Variants in FHAD1 observed in about 807,000 individuals in gnomAD.
FHAD1 encodes forkhead associated phosphopeptide binding domain 1, also known as forkhead-associated domain-containing protein 1.
Under a neutral mutation model 191.3 loss-of-function variants are expected in FHAD1, and 146 were observed. The ratio of observed to expected loss-of-function variants is 0.76; its 90% CI spans 0.67 to 0.88. The LOEUF is 0.88. Among genes scored for constraint, FHAD1 ranks in the 40% least tolerant of loss-of-function variants. FHAD1 has a pLI of 0.00. For synonymous variants in FHAD1, 616 were observed against 672.3 expected (o/e 0.92, Z 1.29); for missense variants, 1,635 against 1,785.8 (o/e 0.92, Z 1.52).
intron 33 of FHAD1, 123 bp from the exon 34 acceptor site, chr1:15,397,174 G>C (rs1466918662): frequency 1.7e-5 from 8 of 461,452 alleles, no homozygotes; most frequent in Middle Eastern, 6.0e-4. Flanking sequence ...CTGGGCGATA[G>C]AGCGAGACTC....
At chr1:15,374,987 T>C (rs1464857126) in intron 27 of FHAD1, among the ~76,000 whole-genome samples, 2 of 151,760 alleles carry the variant, frequency 1.3e-5, no homozygotes, top group Non-Finnish European at 2.9e-5. Flanking sequence ...GCCTCCCTAG[T>C]ATCTAGGACT....
intron 2 of FHAD1, among the ~76,000 whole-genome samples, chr1:15,254,271 G>A (rs7529562): frequency 0.71 from 107,782 of 152,150 alleles, 39,228 homozygotes; most frequent in East Asian, 0.95. Context: ...AAAAGCACAG[G>A]CTTTGGAGAT....
At chr1:15,390,850 C>T (rs2103110372) in intron 32 of FHAD1, among the ~76,000 whole-genome samples, 1 of 152,304 alleles carries the variant, frequency 6.6e-6, no homozygotes, top group East Asian at 1.9e-4. Context: ...TCTGCAGCCC[C>T]TTCCACTTGC....
At chr1:15,386,849 C>CTTTTTTTTTTTTTTTTTT (rs59453670) in intron 31 of FHAD1, among the ~76,000 whole-genome samples, 9 of 144,234 alleles carry the variant, frequency 6.2e-5, no homozygotes, top group African/African-American at 1.6e-4. Context: ...TCCTTTCTTT[C>CTTTTTTTTTTTTTTTTTT]TTTTTTTTTT....
chr1:15,366,084 A>G (rs1046343182), intron 24 of FHAD1, among the ~76,000 whole-genome samples, 151 bp downstream of exon 24: 2 of 152,022 alleles, frequency 1.3e-5, no homozygotes, highest in Admixed American at 1.3e-4. Flanking sequence ...TCAGGAGTTC[A>G]AGACCAGCCT....
intron 2 of FHAD1, among the ~76,000 whole-genome samples, chr1:15,270,770 G>A (rs1267152665): frequency 2.0e-5 from 3 of 152,088 alleles, no homozygotes; most frequent in East Asian, 3.9e-4. Context: ...GGCCGGGCAC[G>A]GTGGCTCACG....
At chr1:15,279,143 G>A (rs2101555613) in intron 3 of FHAD1, among the ~76,000 whole-genome samples, 1 of 152,242 alleles carries the variant, frequency 6.6e-6, no homozygotes, top group Non-Finnish European at 1.5e-5. Context: ...AAGTTTAAAG[G>A]TAAATTTGGT....
intron 31 of FHAD1, among the ~76,000 whole-genome samples, chr1:15,385,870 T>TC (rs1701988053): frequency 6.6e-6 from 1 of 152,222 alleles, no homozygotes. Context: ...TCAGTGCTGG[T>TC]CATTCACAGA....
chr1:15,320,771 T>C (rs1675984632), intron 10 of FHAD1, among the ~76,000 whole-genome samples: 1 of 152,358 alleles, frequency 6.6e-6, no homozygotes, highest in East Asian at 1.9e-4. Context: ...AGCACATAGG[T>C]TTTATACAGT....
chr1:15,359,860 G>A (rs1381627971), intron 21 of FHAD1, among the ~76,000 whole-genome samples: 1 of 152,110 alleles, frequency 6.6e-6, no homozygotes, highest in Non-Finnish European at 1.5e-5. Context: ...TGAGGCAGGA[G>A]AATAGTGTGA....
intron 2 of FHAD1, among the ~76,000 whole-genome samples, chr1:15,270,359 T>G (rs926196556): frequency 7.9e-5 from 12 of 152,190 alleles, no homozygotes; most frequent in Admixed American, 3.9e-4. Context: ...GCACAGACAT[T>G]TGAATCAGGC....
chr1:15,387,592 A>G (rs901142853), intron 31 of FHAD1, among the ~76,000 whole-genome samples: 3 of 152,106 alleles, frequency 2.0e-5, no homozygotes, highest in African/African-American at 7.2e-5. Flanking sequence ...TCTACAAAAA[A>G]CAAAAAAATT....
upstream of FHAD1, among the ~76,000 whole-genome samples, chr1:15,243,119 C>T (rs1645585928): frequency 6.6e-6 from 1 of 152,146 alleles, no homozygotes; most frequent in Non-Finnish European, 1.5e-5. Context: ...ACTGAATGCT[C>T]CAAACCAGCA....
chr1:15,301,538 G>A (rs149253803), intron 6 of FHAD1, 97 bp downstream of exon 6: 52 of 1,008,460 alleles, frequency 5.2e-5, no homozygotes, highest in African/African-American at 4.6e-4. Context: ...GTTAGGGAAC[G>A]CGTGGTCAGT....
In FHAD1 at chr1:15,312,779, C is replaced by T. The variant is rs1172710753; in HGVS notation, c.1040-278C>T. ...TGTCGTGGCCCCTCCTGGTCCCTCT[C>T]TCTGCTGAGCCTTTGTTCCCAGGCA... On this transcript the variant is annotated intron_variant, in intron 7 of 33. Transcript: ENST00000688493. The surrounding 1 kb of genome is among the most constrained non-coding windows in gnomAD (Gnocchi z 4.7). Among the ~76,000 whole-genome samples, 1 of 152,212 alleles carries T rather than the reference C, an allele frequency of 6.6e-6. No individual in the cohort carries two copies. Among genetic ancestry groups the T allele is most frequent in the East Asian group, 1.9e-4 (1 of 5,202 alleles).
At chr1:15,265,979 A>AAAG (rs1653306871) in intron 2 of FHAD1, among the ~76,000 whole-genome samples, 1 of 151,240 alleles carries the variant, frequency 6.6e-6, no homozygotes, top group East Asian at 1.9e-4. Context: ...TCAAAAAAAA[A>AAAG]AAAAAAAAAA....
At chr1:15,331,249 G>T (rs1681242400) in intron 14 of FHAD1, among the ~76,000 whole-genome samples, 2 of 152,020 alleles carry the variant, frequency 1.3e-5, no homozygotes, top group Admixed American at 6.5e-5. Flanking sequence ...CAGGTGTCTT[G>T]TCTGGGGATA....
Position 15,316,375 on chromosome 1 carries a change from C to A in FHAD1, c.1171-3C>A, listed in dbSNP as rs1047963531. 6.4e-6 allele frequency: 10 copies of A among 1,551,392 alleles called. No homozygotes were observed. The African/African-American group carries it at 1.4e-4, about 21-fold the overall frequency. On this transcript the variant is annotated splice_polypyrimidine_tract_variant and splice_region_variant and intron_variant, in intron 8 of 33. Coordinates refer to ENST00000688493, the MANE Select transcript of FHAD1 (RefSeq NM_001391957.1). This position sits in a 1 kb window ranked among gnomAD's most constrained non-coding sequence, Gnocchi z 4.3. Reference sequence around the variant, plus strand: ...TCTTTCTGTGTTGCCCTTTTCTCCACAGTGCTCGGTGCTAAAGGAAGAGTT... The same window carrying A: ...TCTTTCTGTGTTGCCCTTTTCTCCAAAGTGCTCGGTGCTAAAGGAAGAGTT...
chr1:15,401,345 A>G (rs533669319), downstream of FHAD1, among the ~76,000 whole-genome samples: 21 of 152,308 alleles, frequency 1.4e-4, no homozygotes, highest in African/African-American at 5.1e-4. Context: ...GCTCTGCTAC[A>G]CAGCCCCCAC....
Sources: gnomAD v4.1 joint callset for allele counts (sites outside exome capture counted in the v4.1 genomes callset) on GRCh38, gnomAD v4.1.1 for gene constraint, Gnocchi (gnomAD v3.1) non-coding constraint, MANE v1.5 for transcripts, NCBI Gene and HGNC (gene_info 2026-07-23, HGNC 2026-07-21) for gene names.